FOXN3: variants seen among roughly 807,000 people sequenced by gnomAD.
FOXN3 encodes the protein forkhead box protein N3.
A neutral mutation model predicts 38.4 loss-of-function variants in FOXN3; 7 were observed. The observed-to-expected ratio is 0.18, with a 90% CI of 0.10 to 0.34. The LOEUF is 0.34. Ranked by LOEUF, FOXN3 falls within the 10% of genes least tolerant of loss-of-function variation. The pLI is 1.00. For missense variants in FOXN3, 456 were observed against 613.4 expected (o/e 0.74, Z 2.71); for synonymous variants, 230 against 242.2 (o/e 0.95, Z 0.47).
At chr14:89,168,228 G>A (rs922409616) in intron 5 of FOXN3, among the ~76,000 whole-genome samples, 1 of 152,238 alleles carries the variant, frequency 6.6e-6, no homozygotes, top group Non-Finnish European at 1.5e-5. Flanking sequence ...AGAATGTAAA[G>A]TTAGTATGTT....
At chr14:89,525,632 A>AAC (rs1491403836) in intron 1 of FOXN3, among the ~76,000 whole-genome samples, 2 of 35,376 alleles carry the variant, frequency 5.7e-5, no homozygotes, top group Admixed American at 2.1e-4. Flanking sequence ...TGTTTTCACT[A>AAC]AAAAAAAAAA....
intron 1 of FOXN3, among the ~76,000 whole-genome samples, chr14:89,429,589 T>G (rs1053524855): frequency 5.9e-5 from 9 of 151,870 alleles, no homozygotes; most frequent in South Asian, 2.1e-4. Flanking sequence ...GCAAAAGGCA[T>G]GTGAAGTGGG....
chr14:89,192,050 T>C (rs1887963837), intron 4 of FOXN3, among the ~76,000 whole-genome samples: 1 of 146,322 alleles, frequency 6.8e-6, no homozygotes, highest in Admixed American at 6.9e-5. Context: ...CTATTATATA[T>C]AATAATATAC....
intron 4 of FOXN3, among the ~76,000 whole-genome samples, chr14:89,209,392 T>C (rs753656378): frequency 1.1e-4 from 16 of 152,204 alleles, no homozygotes; most frequent in South Asian, 1.0e-3. Flanking sequence ...CTAGAAAAAT[T>C]TGAGAGATAT....
At chr14:89,324,241 A>T (rs1207161767) in intron 3 of FOXN3, among the ~76,000 whole-genome samples, 1 of 152,234 alleles carries the variant, frequency 6.6e-6, no homozygotes, top group Non-Finnish European at 1.5e-5. Flanking sequence ...GTTTTCTGTA[A>T]CTATTGTTTT....
rs377207403 is a variant in FOXN3 at position 89,351,001 on chromosome 14, T to C, written c.544-193A>G. The C allele has an allele frequency of 1.0e-5, 4 of 394,300 alleles. No individual in the cohort carries two copies. In the Admixed American group the frequency reaches 1.4e-4, roughly 13 times the overall value. 24.4% of individuals were successfully genotyped at this position (394,300 alleles called of 1,614,324 possible). On this transcript the variant is annotated intron_variant, in intron 2 of 5. Coordinates refer to ENST00000557258, the MANE Select transcript of FOXN3 (RefSeq NM_005197.4). ...TCAATCTTACTTGTATTATGTTTGA[T>C]AGGCAAAATGAACATATTATTACCA...
intron 4 of FOXN3, among the ~76,000 whole-genome samples, chr14:89,267,868 C>G (rs1221633198): frequency 6.6e-6 from 1 of 152,118 alleles, no homozygotes; most frequent in South Asian, 2.1e-4. Flanking sequence ...ATAAGGCCAT[C>G]TAACTATAAA....
intron 3 of FOXN3, among the ~76,000 whole-genome samples, chr14:89,336,811 A>T (rs1318328528): frequency 6.6e-6 from 1 of 152,268 alleles, no homozygotes; most frequent in East Asian, 1.9e-4. Flanking sequence ...AGCCTAGAAT[A>T]TCGGATGGAA....
At chr14:89,274,319 T>C (rs570573157) in intron 4 of FOXN3, among the ~76,000 whole-genome samples, 2 of 152,246 alleles carry the variant, frequency 1.3e-5, no homozygotes, top group East Asian at 1.9e-4. Flanking sequence ...AAATGCTCGT[T>C]TGGAGAGTTT....
intron 5 of FOXN3, among the ~76,000 whole-genome samples, chr14:89,175,327 A>G (rs1319575202): frequency 2.0e-5 from 3 of 152,246 alleles, no homozygotes; most frequent in Non-Finnish European, 4.4e-5. Flanking sequence ...CTTGTAGTCC[A>G]GATTATGGCC....
intron 1 of FOXN3, among the ~76,000 whole-genome samples, chr14:89,502,758 T>C (rs1893829244): frequency 6.6e-6 from 1 of 152,152 alleles, no homozygotes; most frequent in Non-Finnish European, 1.5e-5. Flanking sequence ...CAGGGGGTCA[T>C]CCCAAGGACT....
At chr14:89,510,026 C>T (rs1192532711) in intron 1 of FOXN3, among the ~76,000 whole-genome samples, 1 of 152,166 alleles carries the variant, frequency 6.6e-6, no homozygotes, top group Non-Finnish European at 1.5e-5. Flanking sequence ...ATGGAATTCC[C>T]CCTTCCTCCC....
chr14:89,515,239 C>T (rs2139813988), intron 1 of FOXN3, among the ~76,000 whole-genome samples: 1 of 152,056 alleles, frequency 6.6e-6, no homozygotes, highest in South Asian at 2.1e-4. Context: ...GCTCCATTTT[C>T]TTCTGAAGGG....
chr14:89,321,766 C>A (rs1887904654), intron 3 of FOXN3, among the ~76,000 whole-genome samples: 1 of 150,692 alleles, frequency 6.6e-6, no homozygotes, highest in African/African-American at 2.4e-5. Flanking sequence ...GTTTCTTTTT[C>A]TTTCCATTCC....
intron 2 of FOXN3, among the ~76,000 whole-genome samples, chr14:89,397,575 C>T (rs1439435638): frequency 6.6e-6 from 1 of 152,042 alleles, no homozygotes; most frequent in Non-Finnish European, 1.5e-5. Flanking sequence ...GGACCCCCTA[C>T]CACCTTAGGG....
chr14:89,212,868 C>G (rs2401814), intron 4 of FOXN3, among the ~76,000 whole-genome samples: 117,098 of 152,016 alleles, frequency 0.77, 45,413 homozygotes, highest in African/African-American at 0.87. Context: ...GGTTTGACAC[C>G]GCTAAGGAGC....
At chr14:89,429,369 T>C (rs968035955) in intron 1 of FOXN3, among the ~76,000 whole-genome samples, 1 of 152,214 alleles carries the variant, frequency 6.6e-6, no homozygotes, top group African/African-American at 2.4e-5. Flanking sequence ...CCTGGCACCA[T>C]GTGGGAGCCT....
intron 2 of FOXN3, among the ~76,000 whole-genome samples, chr14:89,391,207 A>T (rs1890936465): frequency 6.6e-6 from 1 of 152,200 alleles, no homozygotes; most frequent in Admixed American, 6.5e-5. Context: ...CGGTAAGTGA[A>T]TCCTCCTCCT....
At chr14:89,517,462 C>G (rs1474593080) in intron 1 of FOXN3, among the ~76,000 whole-genome samples, 5 of 151,944 alleles carry the variant, frequency 3.3e-5, no homozygotes, top group African/African-American at 4.8e-5. Context: ...CAATCATGGC[C>G]GAAGGCAAAG....
Sources: allele counts gnomAD v4.1 joint callset (sites outside exome capture counted in the v4.1 genomes callset), GRCh38; gene constraint gnomAD v4.1.1; transcripts MANE v1.5; gene names NCBI Gene and HGNC (gene_info 2026-07-23, HGNC 2026-07-21).